The following RIMS2 variants were observed in gnomAD, a reference collection of about 807,000 sequenced individuals.
The protein encoded by RIMS2 is regulating synaptic membrane exocytosis protein 2.
Under a neutral mutation model 174.4 loss-of-function variants are expected in RIMS2, and 59 were observed. That is an observed-to-expected ratio of 0.34 (90% CI 0.27 to 0.42). The LOEUF is 0.42. RIMS2 is among the 10% of genes least tolerant of loss of function. RIMS2 has a pLI of 1.00. For missense variants in RIMS2, 1,620 were observed against 1,666.3 expected (o/e 0.97, Z 0.48); for synonymous variants, 606 against 572.5 (o/e 1.06, Z -0.84).
chr8:103,653,852 G>A (rs1052656751), intron 1 of RIMS2, among the ~76,000 whole-genome samples: 14 of 152,166 alleles, frequency 9.2e-5, no homozygotes, highest in Middle Eastern at 3.4e-3. Flanking sequence ...CGTTGAAGTA[G>A]GGCCAGTATT....
chr8:103,630,433 A>C (rs937620009), intron 1 of RIMS2, among the ~76,000 whole-genome samples: 18 of 152,078 alleles, frequency 1.2e-4, no homozygotes, highest in Non-Finnish European at 1.9e-4. Context: ...CCACAGGCTT[A>C]CTCTAAAAGA....
At chr8:104,242,032 T>C (rs550043488) in intron 19 of RIMS2, among the ~76,000 whole-genome samples, 1 of 152,272 alleles carries the variant, frequency 6.6e-6, no homozygotes, top group South Asian at 2.1e-4. Context: ...AGTGCTGGGA[T>C]TACAGGTGTG....
chr8:104,150,358 T>C lies in RIMS2; in HGVS notation c.3335-94558T>C, dbSNP rs1221651647. ...GTGCCAGACACATGAAGAAAAAAGATGAATAGGAAATCATTTATAACCCAA... is the reference window on the plus strand; with the variant it reads ...GTGCCAGACACATGAAGAAAAAAGACGAATAGGAAATCATTTATAACCCAA... On this transcript the variant is annotated intron_variant, in intron 19 of 23. Coordinates refer to ENST00000504942, the Ensembl canonical transcript of RIMS2. 3.9e-5 allele frequency among the ~76,000 whole-genome samples: 6 copies of C among 152,258 alleles called. No homozygotes were observed. The East Asian group carries it at 7.7e-4, about 20-fold the overall frequency.
intron 3 of RIMS2, among the ~76,000 whole-genome samples, chr8:103,854,954 A>G (rs2099019479): frequency 7.9e-5 from 12 of 151,934 alleles, no homozygotes; most frequent in Admixed American, 7.9e-4. Context: ...TCTTTGTATA[A>G]CTGGTAGAAC....
At chr8:104,196,015 A>G (rs2099022363) in intron 19 of RIMS2, among the ~76,000 whole-genome samples, 2 of 152,204 alleles carry the variant, frequency 1.3e-5, no homozygotes, top group Non-Finnish European at 2.9e-5. Context: ...TTTCTTAAGG[A>G]ATCAAAGACC....
In RIMS2 at chr8:103,668,653, G is replaced by GATTTATTTATTTATTTATTT. The variant is rs139537432; in HGVS notation, c.177-28422_177-28403dup. Among the ~76,000 whole-genome samples, 99 of 149,186 alleles carry GATTTATTTATTTATTTATTT rather than the reference G, an allele frequency of 6.6e-4. 1 individual carries two copies. Among genetic ancestry groups the GATTTATTTATTTATTTATTT allele is most frequent in the South Asian group, 1.5e-3 (7 of 4,716 alleles). ...CCATGGTGAGTCATGGAGTATAGACGATTTATTTATTTATTTATTTATTTA... is the reference window on the plus strand; with the variant it reads ...CCATGGTGAGTCATGGAGTATAGACGATTTATTTATTTATTTATTTATTTATTTATTTATTTATTTATTTA... On this transcript the variant is annotated intron_variant, in intron 1 of 23. Coordinates refer to ENST00000504942, the Ensembl canonical transcript of RIMS2.
At chr8:103,874,843 G>C (rs2099128265) in intron 3 of RIMS2, among the ~76,000 whole-genome samples, 1 of 151,994 alleles carries the variant, frequency 6.6e-6, no homozygotes, top group Non-Finnish European at 1.5e-5. Flanking sequence ...AGATCACATA[G>C]AAACACTTGT....
chr8:103,967,170 GTTTTTTTTTTTTTTTTTTTT>G (rs71575988), intron 15 of RIMS2, among the ~76,000 whole-genome samples: 2 of 24,952 alleles, frequency 8.0e-5, no homozygotes, highest in African/African-American at 4.2e-4. Flanking sequence ...ATCTGTTCTT[GTTTTTTTTTTTTTTTTTTTT>G]TTTTTTTTTT....
intron 1 of RIMS2, among the ~76,000 whole-genome samples, chr8:103,662,211 G>A (rs1449153202): frequency 2.6e-5 from 4 of 152,172 alleles, no homozygotes; most frequent in Admixed American, 1.3e-4. Context: ...GGTTAGACAA[G>A]CTTCATATAG....
intron 19 of RIMS2, among the ~76,000 whole-genome samples, chr8:104,188,276 T>C (rs892676821): frequency 4.7e-5 from 7 of 148,058 alleles, no homozygotes; most frequent in African/African-American, 1.8e-4. Context: ...GATAGATGGA[T>C]GAAGTATAAA....
chr8:103,883,487 T>C (rs1283224877), intron 3 of RIMS2, among the ~76,000 whole-genome samples: 1 of 151,778 alleles, frequency 6.6e-6, no homozygotes, highest in East Asian at 1.9e-4. Context: ...AATGTTTTGT[T>C]TTGATTGTAA....
At chr8:103,997,767 G>A (rs550654076) in intron 17 of RIMS2, among the ~76,000 whole-genome samples, 1 of 151,690 alleles carries the variant, frequency 6.6e-6, no homozygotes, top group South Asian at 2.1e-4. Flanking sequence ...ATAATTAAAA[G>A]AGAAATAGTT....
intron 19 of RIMS2, among the ~76,000 whole-genome samples, chr8:104,241,173 T>C (rs1206584142): frequency 6.6e-6 from 1 of 152,154 alleles, no homozygotes; most frequent in Non-Finnish European, 1.5e-5. Context: ...AAAATCTCCA[T>C]AGACAGCTGC....
At chr8:104,026,888 A>G (rs1448674709) in intron 19 of RIMS2, among the ~76,000 whole-genome samples, 1 of 152,052 alleles carries the variant, frequency 6.6e-6, no homozygotes, top group Non-Finnish European at 1.5e-5. Flanking sequence ...TTAATTTCCA[A>G]ATTTGATTAA....
At chr8:103,912,907 C>T (rs999818761) in intron 6 of RIMS2, among the ~76,000 whole-genome samples, 7 of 151,006 alleles carry the variant, frequency 4.6e-5, no homozygotes, top group African/African-American at 1.5e-4. Context: ...TGCTTTAGAC[C>T]AGGAGTTTGA....
intron 1 of RIMS2, among the ~76,000 whole-genome samples, chr8:103,538,476 G>A (rs113792532): frequency 9.6e-4 from 122 of 126,550 alleles, no homozygotes; most frequent in African/African-American, 3.5e-3. Context: ...TTTATCCCTC[G>A]CCCCCCTCCA....
chr8:103,594,552 C>T (rs1012770134), intron 1 of RIMS2, among the ~76,000 whole-genome samples: 8 of 151,610 alleles, frequency 5.3e-5, no homozygotes, highest in African/African-American at 1.9e-4. Context: ...TCCCTGGGAG[C>T]AGTAGTTCAG....
chr8:103,759,820 A>T (rs965905952), intron 2 of RIMS2, among the ~76,000 whole-genome samples: 2 of 152,138 alleles, frequency 1.3e-5, no homozygotes, highest in Non-Finnish European at 2.9e-5. Flanking sequence ...AAGTGAGATC[A>T]GGTTTATTGA....
chr8:103,708,313 G>A (rs1051864722), intron 2 of RIMS2, among the ~76,000 whole-genome samples: 2 of 152,094 alleles, frequency 1.3e-5, no homozygotes, highest in African/African-American at 4.8e-5. Context: ...CTCCCTCCAT[G>A]GGCACTTGTG....
Sources: allele counts gnomAD v4.1 joint callset (sites outside exome capture counted in the v4.1 genomes callset), GRCh38; gene constraint gnomAD v4.1.1; transcripts MANE v1.5; gene names NCBI Gene and HGNC (gene_info 2026-07-23, HGNC 2026-07-21).